Variants in RARB observed in about 807,000 individuals in gnomAD.
The protein encoded by RARB is retinoic acid receptor beta, also known as HBV-activated protein.
A neutral mutation model predicts 51.9 loss-of-function variants in RARB; 17 were observed. That is an observed-to-expected ratio of 0.33 (90% CI 0.22 to 0.49). The LOEUF is 0.49. RARB is among the 20% of genes least tolerant of loss of function. The pLI is 0.99. For missense variants in RARB, 369 were observed against 550.8 expected (o/e 0.67, Z 3.30); for synonymous variants, 215 against 195.4 (o/e 1.10, Z -0.84).
intron 5 of RARB, among the ~76,000 whole-genome samples, chr3:25,400,493 A>G (rs1318177105): frequency 2.0e-5 from 3 of 152,154 alleles, no homozygotes; most frequent in South Asian, 2.1e-4. Flanking sequence ...TCGAAGAAAG[A>G]AGGTCTCAAT....
intron 2 of RARB, among the ~76,000 whole-genome samples, chr3:24,944,294 T>G (rs1386734681): frequency 6.6e-6 from 1 of 152,220 alleles, no homozygotes; most frequent in East Asian, 1.9e-4. Context: ...TGCCTTTTCT[T>G]TCTGGGTCTC....
chr3:25,190,706 A>G (rs1039048163), intron 5 of RARB, among the ~76,000 whole-genome samples: 2 of 152,140 alleles, frequency 1.3e-5, no homozygotes, highest in African/African-American at 4.8e-5. Flanking sequence ...AGGAACCTCA[A>G]AGAGAAAGGG....
intron 5 of RARB, among the ~76,000 whole-genome samples, chr3:25,411,325 AT>A (rs1355072847): frequency 3.9e-5 from 6 of 152,194 alleles, no homozygotes; most frequent in Non-Finnish European, 8.8e-5. Context: ...TGAATCAGTG[AT>A]TTTATGAAAT....
intron 2 of RARB, among the ~76,000 whole-genome samples, chr3:25,058,740 A>T (rs1559450698): frequency 1.3e-5 from 2 of 151,792 alleles, no homozygotes; most frequent in Non-Finnish European, 3.0e-5. Flanking sequence ...TGATTATGCA[A>T]TTGATCAAAA....
intron 3 of RARB, among the ~76,000 whole-genome samples, chr3:25,563,882 A>T (rs1352367608): frequency 6.6e-6 from 1 of 151,894 alleles, no homozygotes; most frequent in African/African-American, 2.4e-5. Flanking sequence ...ATAGACCATC[A>T]TGCTTCCTTT....
At chr3:25,203,503 G>A (rs1285472227) in intron 5 of RARB, among the ~76,000 whole-genome samples, 3 of 152,186 alleles carry the variant, frequency 2.0e-5, no homozygotes, top group Non-Finnish European at 4.4e-5. Flanking sequence ...TTGCTCATTA[G>A]TTGATGCAGT....
intron 5 of RARB, among the ~76,000 whole-genome samples, chr3:25,176,164 G>A (rs1700738984): frequency 6.6e-6 from 1 of 152,022 alleles, no homozygotes. Context: ...ATATGAGTAG[G>A]ATTCCCATGC....
intron 5 of RARB, among the ~76,000 whole-genome samples, chr3:25,220,799 A>ACT: frequency 6.6e-6 from 1 of 152,168 alleles, no homozygotes; most frequent in African/African-American, 2.4e-5. Flanking sequence ...TAGCAGTGTG[A>ACT]AAATTGATGA....
chr3:25,251,791 C>A (rs1702727841), intron 5 of RARB, among the ~76,000 whole-genome samples: 1 of 151,904 alleles, frequency 6.6e-6, no homozygotes, highest in Non-Finnish European at 1.5e-5. Context: ...TTCGCAAATA[C>A]TTCTTTTCAT....
chr3:24,836,822 G>T (rs144485315), intron 1 of RARB, among the ~76,000 whole-genome samples: 2 of 152,330 alleles, frequency 1.3e-5, no homozygotes, highest in African/African-American at 2.4e-5. Flanking sequence ...AAGAGGGACA[G>T]AAACAAATTA....
At chr3:24,899,165 A>G (rs1321461871) in intron 2 of RARB, among the ~76,000 whole-genome samples, 1 of 152,138 alleles carries the variant, frequency 6.6e-6, no homozygotes, top group Non-Finnish European at 1.5e-5. Flanking sequence ...GTCTTTCTTC[A>G]ATCACTATTA....
At chr3:25,084,563 C>G (rs923610965) in intron 3 of RARB, among the ~76,000 whole-genome samples, 3 of 151,820 alleles carry the variant, frequency 2.0e-5, no homozygotes, top group African/African-American at 7.3e-5. Context: ...TATGCAACAT[C>G]TCAGATATTT....
intron 3 of RARB, among the ~76,000 whole-genome samples, chr3:25,568,405 C>CA (rs766748545): frequency 1.7e-4 from 26 of 152,062 alleles, no homozygotes; most frequent in Non-Finnish European, 3.5e-4. Flanking sequence ...TCAAGGGACT[C>CA]AAAAAAATGT....
intron 3 of RARB, among the ~76,000 whole-genome samples, chr3:25,103,385 C>T (rs1162765567): frequency 6.6e-6 from 1 of 152,198 alleles, no homozygotes; most frequent in Non-Finnish European, 1.5e-5. Flanking sequence ...CATTCCCCTT[C>T]CTCCTCTTTC....
chr3:25,285,946 ACAAACT>A (rs1412100967), intron 5 of RARB, among the ~76,000 whole-genome samples: 3 of 152,150 alleles, frequency 2.0e-5, no homozygotes, highest in African/African-American at 7.2e-5. Context: ...ACACATAAAC[ACAAACT>A]CAAAAAATTG....
At chr3:24,922,949 C>T (rs932215595) in intron 2 of RARB, among the ~76,000 whole-genome samples, 15 of 152,168 alleles carry the variant, frequency 9.9e-5, no homozygotes, top group Middle Eastern at 3.4e-3. Flanking sequence ...AAAGTAATTA[C>T]GAATCAAAAA....
intron 5 of RARB, among the ~76,000 whole-genome samples, chr3:25,281,193 T>A (rs1261188532): frequency 1.3e-5 from 2 of 152,178 alleles, no homozygotes; most frequent in Non-Finnish European, 2.9e-5. Context: ...ACTTGAAAGT[T>A]AAGGCAAGCA....
intron 3 of RARB, among the ~76,000 whole-genome samples, chr3:25,554,346 A>G (rs1257996177): frequency 6.6e-6 from 1 of 151,982 alleles, no homozygotes; most frequent in Non-Finnish European, 1.5e-5. Context: ...ACAATCAAGG[A>G]CGTTTTTTAG....
intron 5 of RARB, among the ~76,000 whole-genome samples, chr3:25,378,756 G>C (rs2125477470): frequency 6.6e-6 from 1 of 152,296 alleles, no homozygotes; most frequent in Non-Finnish European, 1.5e-5. Context: ...GGAAGACTCA[G>C]CTAATAGGTA....
Sources: allele counts gnomAD v4.1 joint callset (sites outside exome capture counted in the v4.1 genomes callset), GRCh38; gene constraint gnomAD v4.1.1; transcripts MANE v1.5; gene names NCBI Gene and HGNC (gene_info 2026-07-23, HGNC 2026-07-21).